NLGN1: variants seen among roughly 807,000 people sequenced by gnomAD.
The protein encoded by NLGN1 is neuroligin 1, also known as neuroligin-1.
A neutral mutation model predicts 65.5 loss-of-function variants in NLGN1; 12 were observed. The observed-to-expected ratio is 0.18, with a 90% CI of 0.12 to 0.30. The LOEUF (loss-of-function observed/expected upper bound fraction) is 0.30, where lower values mean the gene tolerates loss of function less well. Ranked by LOEUF, NLGN1 falls within the 10% of genes least tolerant of loss-of-function variation. The pLI is 1.00. For synonymous variants in NLGN1, 350 were observed against 359.5 expected, an observed-to-expected ratio of 0.97 and a Z score of 0.30; for missense variants, 750 against 1,007.1, an observed-to-expected ratio of 0.74 and a Z score of 3.46.
chr3:173,396,507 C>T (rs1716656384), upstream of NLGN1: 1 of 152,204 alleles, frequency 6.6e-6, no homozygotes, highest in Non-Finnish European at 1.5e-5. Flanking sequence ...GTCTCTCCTC[C>T]CCACGAAACG....
chr3:173,967,125 G>C (rs971806087), intron 4 of NLGN1, among the ~76,000 whole-genome samples: 6 of 152,190 alleles, frequency 3.9e-5, no homozygotes, highest in Non-Finnish European at 8.8e-5. Flanking sequence ...GGCTAGACAT[G>C]TATGGAAGAT....
chr3:174,154,916 T>G (rs1725055232), intron 4 of NLGN1, among the ~76,000 whole-genome samples: 1 of 78,930 alleles, frequency 1.3e-5, no homozygotes, highest in Non-Finnish European at 2.3e-5. Flanking sequence ...TATATTAAGA[T>G]ATTTATATTT....
chr3:173,422,295 T>C (rs1274056551), intron 1 of NLGN1, among the ~76,000 whole-genome samples: 1 of 152,152 alleles, frequency 6.6e-6, no homozygotes, highest in African/African-American at 2.4e-5. Context: ...CACATGTACT[T>C]ACTCATACGT....
At chr3:173,978,024 G>T (rs1344113189) in intron 4 of NLGN1, among the ~76,000 whole-genome samples, 3 of 152,022 alleles carry the variant, frequency 2.0e-5, no homozygotes, top group Non-Finnish European at 4.4e-5. Context: ...AACGAGGAGA[G>T]AATTGTCTTG....
intron 4 of NLGN1, among the ~76,000 whole-genome samples, chr3:173,815,433 C>A (rs947210386): frequency 1.3e-5 from 2 of 152,026 alleles, no homozygotes; most frequent in Non-Finnish European, 2.9e-5. Context: ...ACTGAGAAAA[C>A]CCTTGTCAAG....
chr3:174,151,853 T>C (rs1724415597), intron 4 of NLGN1, among the ~76,000 whole-genome samples: 1 of 152,120 alleles, frequency 6.6e-6, no homozygotes, highest in African/African-American at 2.4e-5. Flanking sequence ...ATTTCCACAC[T>C]ACAGATGGAC....
At chr3:173,928,176 G>A (rs981344446) in intron 4 of NLGN1, among the ~76,000 whole-genome samples, 1 of 152,098 alleles carries the variant, frequency 6.6e-6, no homozygotes, top group South Asian at 2.1e-4. Context: ...CTTATAAATT[G>A]GCTAGTGTTA....
chr3:173,487,595 A>G (rs192216458), intron 2 of NLGN1, among the ~76,000 whole-genome samples: 27 of 152,092 alleles, frequency 1.8e-4, no homozygotes, highest in African/African-American at 6.3e-4. Flanking sequence ...GCTTTTGTCA[A>G]ATTCTCTTTA....
chr3:173,595,305 C>T (rs1286976293), intron 2 of NLGN1, among the ~76,000 whole-genome samples: 2 of 152,182 alleles, frequency 1.3e-5, no homozygotes, highest in Non-Finnish European at 2.9e-5. Flanking sequence ...CTAAATCATC[C>T]CTCTCAAGTT....
At chr3:174,189,117 G>C (rs1295346026) in intron 4 of NLGN1, among the ~76,000 whole-genome samples, 5 of 151,964 alleles carry the variant, frequency 3.3e-5, no homozygotes, top group Admixed American at 2.6e-4. Flanking sequence ...TATTTTTAAA[G>C]GGTGGGTGTT....
At chr3:174,056,651 TA>T (rs1237390352) in intron 4 of NLGN1, among the ~76,000 whole-genome samples, 8 of 152,028 alleles carry the variant, frequency 5.3e-5, no homozygotes, top group Non-Finnish European at 1.2e-4. Context: ...AAAGGCCATT[TA>T]TTTTTTTATT....
intron 4 of NLGN1, chr3:173,912,744 TA>T (rs1739880126): frequency 6.6e-6 from 1 of 152,104 alleles, no homozygotes; most frequent in African/African-American, 2.4e-5. Context: ...TATGATATAA[TA>T]AAAATAATAC....
chr3:173,457,117 A>T (rs941594426), intron 2 of NLGN1, among the ~76,000 whole-genome samples: 1 of 152,176 alleles, frequency 6.6e-6, no homozygotes, highest in African/African-American at 2.4e-5. Flanking sequence ...CCTGAGCCAC[A>T]GAGAAAGACA....
At chr3:173,747,797 T>TC (rs1204374662) in intron 3 of NLGN1, among the ~76,000 whole-genome samples, 14 of 80,102 alleles carry the variant, frequency 1.7e-4, no homozygotes, top group African/African-American at 6.0e-4. Context: ...TTCTTCTTCT[T>TC]GTTCTTTTTT....
intron 4 of NLGN1, among the ~76,000 whole-genome samples, chr3:173,829,566 GTGTGTT>G (rs879426370): frequency 0.043 from 4,929 of 114,308 alleles, 184 homozygotes; most frequent in East Asian, 0.18. Context: ...GTGTGTGTGT[GTGTGTT>G]TGTGTGTGTG....
intron 1 of NLGN1, among the ~76,000 whole-genome samples, chr3:173,404,176 G>A (rs1718199362): frequency 6.6e-6 from 1 of 151,988 alleles, no homozygotes; most frequent in African/African-American, 2.4e-5. Flanking sequence ...TTTCCCTCCA[G>A]TTTTAGAATT....
chr3:173,622,860 CT>C (rs1754223381), intron 3 of NLGN1, among the ~76,000 whole-genome samples: 2 of 152,068 alleles, frequency 1.3e-5, no homozygotes, highest in African/African-American at 4.8e-5. Context: ...AACAAAATTA[CT>C]AACTGACCCA....
At chr3:174,223,694 A>C (rs980391079) in intron 4 of NLGN1, among the ~76,000 whole-genome samples, 1 of 152,240 alleles carries the variant, frequency 6.6e-6, no homozygotes, top group African/African-American at 2.4e-5. Flanking sequence ...CTTTTTAATA[A>C]ATGTTTTTCA....
intron 4 of NLGN1, among the ~76,000 whole-genome samples, chr3:174,077,097 A>C (rs1024988784): frequency 8.5e-5 from 13 of 152,254 alleles, no homozygotes; most frequent in Admixed American, 3.9e-4. Flanking sequence ...AATTTGCCTT[A>C]TGTATCTTAC....
Sources: gnomAD v4.1 joint callset for allele counts (sites outside exome capture counted in the v4.1 genomes callset) on GRCh38, gnomAD v4.1.1 for gene constraint, MANE v1.5 for transcripts, NCBI Gene and HGNC (gene_info 2026-07-23, HGNC 2026-07-21) for gene names.